Variants in KLHL29 observed in about 807,000 individuals in gnomAD.
KLHL29 encodes the protein kelch-like protein 29.
A neutral mutation model predicts 80.4 loss-of-function variants in KLHL29; 21 were observed. The observed-to-expected ratio is 0.26, with a 90% CI of 0.19 to 0.38. The LOEUF is 0.38. Ranked by LOEUF, KLHL29 falls within the 10% of genes least tolerant of loss-of-function variation. The probability of loss-of-function intolerance (pLI) is 1.00; values close to 1 mark genes in which losing one functional copy is unlikely to be tolerated. For synonymous variants in KLHL29, 511 were observed against 526.8 expected, an observed-to-expected ratio of 0.97 and a Z score of 0.41; for missense variants, 867 against 1,223.9, an observed-to-expected ratio of 0.71 and a Z score of 4.35.
chr2:23,436,917 G>A (rs1356259003), intron 1 of KLHL29, among the ~76,000 whole-genome samples: 3 of 152,172 alleles, frequency 2.0e-5, no homozygotes, highest in Non-Finnish European at 4.4e-5. Context: ...CCAGAAGGAA[G>A]GAAATGGAGG....
At chr2:23,616,423 A>G (rs921158225) in intron 3 of KLHL29, 7 of 152,246 alleles carry the variant, frequency 4.6e-5, no homozygotes, top group Admixed American at 4.6e-4. Flanking sequence ...AGTTAAAGAA[A>G]AAAACATTTA....
chr2:23,406,054 C>T (rs1043266901), intron 1 of KLHL29, among the ~76,000 whole-genome samples: 6 of 152,134 alleles, frequency 3.9e-5, no homozygotes, highest in Non-Finnish European at 7.4e-5. Context: ...CTAGGCTGAG[C>T]GTGGTGGCTC....
chr2:23,657,761 G>A (rs1410662876), intron 5 of KLHL29, among the ~76,000 whole-genome samples: 2 of 152,158 alleles, frequency 1.3e-5, no homozygotes, highest in Non-Finnish European at 2.9e-5. Flanking sequence ...AGCACTGAGA[G>A]CTGTGCCTCG....
intron 3 of KLHL29, among the ~76,000 whole-genome samples, chr2:23,627,305 C>T (rs1669339876): frequency 6.6e-6 from 1 of 152,210 alleles, no homozygotes; most frequent in Admixed American, 6.5e-5. Flanking sequence ...GGCCAAAGAA[C>T]ACCACGCCCT....
chr2:23,687,210 C>T (rs1671300636), intron 6 of KLHL29, among the ~76,000 whole-genome samples: 1 of 152,190 alleles, frequency 6.6e-6, no homozygotes, highest in Admixed American at 6.5e-5. Context: ...GACCTCTGTC[C>T]TGGTGTAGAC....
intron 3 of KLHL29, among the ~76,000 whole-genome samples, chr2:23,620,780 G>A (rs756934852): frequency 1.6e-4 from 24 of 152,220 alleles, no homozygotes; most frequent in Non-Finnish European, 3.1e-4. Flanking sequence ...GGAGGCAGGA[G>A]AAGAACGTTC....
intron 2 of KLHL29, among the ~76,000 whole-genome samples, chr2:23,525,473 C>T (rs2103473359): frequency 6.6e-6 from 1 of 152,364 alleles, no homozygotes; most frequent in Admixed American, 6.5e-5. Context: ...GAAATGGTGG[C>T]CGGAGCTTGC....
At chr2:23,561,012 C>G (rs1394530506) in intron 2 of KLHL29, among the ~76,000 whole-genome samples, 1 of 152,196 alleles carries the variant, frequency 6.6e-6, no homozygotes, top group East Asian at 1.9e-4. Flanking sequence ...GAACCCGGAC[C>G]TCCGGGGACT....
chr2:23,469,057 T>C (rs1455089636), intron 1 of KLHL29, among the ~76,000 whole-genome samples: 2 of 152,228 alleles, frequency 1.3e-5, no homozygotes, highest in Admixed American at 6.5e-5. Context: ...TCTTTGCCTG[T>C]TGTTTTGCTT....
intron 2 of KLHL29, among the ~76,000 whole-genome samples, chr2:23,543,384 G>C (rs1390983893): frequency 6.6e-6 from 1 of 152,072 alleles, no homozygotes; most frequent in Admixed American, 6.5e-5. Flanking sequence ...TCCCTCCCCG[G>C]GATGTGCGGG....
chr2:23,621,632 AGAATGGAGGT>A (rs1222610707), intron 3 of KLHL29, among the ~76,000 whole-genome samples: 1 of 152,020 alleles, frequency 6.6e-6, no homozygotes, highest in Admixed American at 6.5e-5. Flanking sequence ...CAGACTGGAG[AGAATGGAGGT>A]GAATGGAGAT....
At chr2:23,428,175 G>A (rs1420817504) in intron 1 of KLHL29, among the ~76,000 whole-genome samples, 1 of 152,236 alleles carries the variant, frequency 6.6e-6, no homozygotes, top group Non-Finnish European at 1.5e-5. Flanking sequence ...AACAGAGTTT[G>A]GACCGTGTCC....
intron 3 of KLHL29, among the ~76,000 whole-genome samples, chr2:23,579,276 G>A (rs949638415): frequency 2.6e-5 from 4 of 152,188 alleles, no homozygotes; most frequent in African/African-American, 7.2e-5. Flanking sequence ...CTCATACGTG[G>A]TATTATGGAA....
At chr2:23,527,231 T>C (rs950904298) in intron 2 of KLHL29, among the ~76,000 whole-genome samples, 1 of 152,188 alleles carries the variant, frequency 6.6e-6, no homozygotes, top group African/African-American at 2.4e-5. Context: ...CCTGCCCAGC[T>C]ACACTGGACC....
intron 5 of KLHL29, among the ~76,000 whole-genome samples, chr2:23,648,064 C>T (rs1276150987): frequency 6.6e-6 from 1 of 152,020 alleles, no homozygotes; most frequent in Non-Finnish European, 1.5e-5. Context: ...CCCAGGCATA[C>T]GGGGATGGAA....
intron 2 of KLHL29, among the ~76,000 whole-genome samples, chr2:23,522,875 G>A (rs938663017): frequency 6.6e-6 from 1 of 152,230 alleles, no homozygotes; most frequent in African/African-American, 2.4e-5. Flanking sequence ...GCCCAGCCCT[G>A]CAGAGGTGAC....
Position 23,664,232 on chromosome 2 carries a change from T to C in KLHL29, c.941-20167T>C, listed in dbSNP as rs1670495427. Among the ~76,000 whole-genome samples the C allele has an allele frequency of 2.6e-5, 4 of 152,186 alleles. No individual in the cohort carries two copies. The South Asian group carries it at 6.2e-4, about 24-fold the overall frequency. ...GTTGAAAAGCCCTGACCATGATTAATACACTGCACACTGTCAGGTGCCAAT... is the reference window on the plus strand; with the variant it reads ...GTTGAAAAGCCCTGACCATGATTAACACACTGCACACTGTCAGGTGCCAAT... On this transcript the variant is annotated intron_variant, in intron 5 of 13. Transcript: ENST00000486442.
At chr2:23,386,861 G>C (rs1572471580) in intron 1 of KLHL29, among the ~76,000 whole-genome samples, 1 of 152,122 alleles carries the variant, frequency 6.6e-6, no homozygotes, top group South Asian at 2.1e-4. Flanking sequence ...GGGACGCGCT[G>C]CCTGCCTGCG....
intron 2 of KLHL29, among the ~76,000 whole-genome samples, chr2:23,529,069 C>G (rs534936951): frequency 6.6e-6 from 1 of 152,232 alleles, no homozygotes; most frequent in Non-Finnish European, 1.5e-5. Context: ...TCTAACCATA[C>G]GTAGGGCCGA....
Sources: gnomAD v4.1 joint callset for allele counts (sites outside exome capture counted in the v4.1 genomes callset) on GRCh38, gnomAD v4.1.1 for gene constraint, MANE v1.5 for transcripts, NCBI Gene and HGNC (gene_info 2026-07-23, HGNC 2026-07-21) for gene names.